Variants in PPFIA1 observed in about 807,000 individuals in gnomAD.
PPFIA1 encodes PPFI scaffold protein A1.
PPFIA1 carries 25 observed loss-of-function variants against 149.9 expected under a neutral mutation model. The observed-to-expected ratio is 0.17, with a 90% CI of 0.12 to 0.23. The LOEUF is 0.23. Among genes scored for constraint, PPFIA1 ranks in the 10% least tolerant of loss-of-function variants. The pLI is 1.00. For missense variants in PPFIA1, 1,362 were observed against 1,506.5 expected (o/e 0.90, Z 1.59); for synonymous variants, 549 against 552.8 (o/e 0.99, Z 0.10).
At chr11:70,304,522 C>A (rs886372619) in intron 2 of PPFIA1, among the ~76,000 whole-genome samples, 3 of 152,146 alleles carry the variant, frequency 2.0e-5, no homozygotes, top group Non-Finnish European at 4.4e-5. Flanking sequence ...CCTCTGAGTT[C>A]TGTGAGCTGC....
intron 2 of PPFIA1, among the ~76,000 whole-genome samples, chr11:70,276,235 T>C (rs2050374044): frequency 6.6e-6 from 1 of 151,074 alleles, no homozygotes; most frequent in Non-Finnish European, 1.5e-5. Flanking sequence ...GCCTCTCAAG[T>C]AGTTGGAATT....
intron 21 of PPFIA1, among the ~76,000 whole-genome samples, chr11:70,363,779 G>C (rs531943771): frequency 2.6e-5 from 4 of 152,302 alleles, no homozygotes; most frequent in Admixed American, 2.6e-4. Context: ...GTCCCTGAGT[G>C]CTGAAATTAC....
intron 23 of PPFIA1, chr11:70,373,963 C>G (rs2057379078): frequency 6.6e-6 from 1 of 152,132 alleles, no homozygotes; most frequent in African/African-American, 2.4e-5. Context: ...ACATCTTTTT[C>G]CAATAGACAA....
At chr11:70,282,979 A>G (rs1353090816) in intron 2 of PPFIA1, among the ~76,000 whole-genome samples, 1 of 151,732 alleles carries the variant, frequency 6.6e-6, no homozygotes, top group Admixed American at 6.6e-5. Context: ...AGCTGGGACC[A>G]TAGGCGTGCA....
chr11:70,356,786 C>T (rs570665819), intron 19 of PPFIA1, among the ~76,000 whole-genome samples: 2 of 152,318 alleles, frequency 1.3e-5, no homozygotes, highest in South Asian at 2.1e-4. Context: ...CTGGTCTGTC[C>T]GAAACAGTCG....
At chr11:70,295,997 C>T (rs1309658686) in intron 2 of PPFIA1, among the ~76,000 whole-genome samples, 1 of 151,792 alleles carries the variant, frequency 6.6e-6, no homozygotes, top group African/African-American at 2.4e-5. Context: ...TCCTCACCTC[C>T]CAGACGGGGT....
chr11:70,359,259 C>T (rs906882942), intron 19 of PPFIA1, among the ~76,000 whole-genome samples: 7 of 152,220 alleles, frequency 4.6e-5, no homozygotes, highest in African/African-American at 2.4e-5. Flanking sequence ...AGTGATCTTC[C>T]TGCCTCTGCC....
At chr11:70,335,787 A>T (rs1461802595) in intron 11 of PPFIA1, 93 bp downstream of exon 11, 15 of 1,430,866 alleles carry the variant, frequency 1.0e-5, no homozygotes, top group Non-Finnish European at 1.3e-5. Flanking sequence ...AACAGTGGTT[A>T]GCAGCTGTTA....
intron 8 of PPFIA1, 66 bp from the exon 9 acceptor site, chr11:70,331,894 C>T (rs567556678): frequency 6.6e-7 from 1 of 1,515,188 alleles, no homozygotes; most frequent in African/African-American, 1.4e-5. Flanking sequence ...CAGTTTGTTT[C>T]AATCTGTTAA....
rs763816839 is a variant in PPFIA1 at position 70,362,268 on chromosome 11, C to T, written c.2665-20C>T. ...GACTGTACCTCACTGTGCTGCCTTCCTTCCGCTTTCCGCCTCCAGCTCTGG... is the reference window on the plus strand; with the variant it reads ...GACTGTACCTCACTGTGCTGCCTTCTTTCCGCTTTCCGCCTCCAGCTCTGG... On this transcript the variant is annotated intron_variant, in intron 20 of 27. Transcript: ENST00000253925. 1.9e-6 allele frequency: 3 copies of T among 1,613,908 alleles called. No homozygotes were observed. In the Admixed American group the frequency reaches 5.0e-5, roughly 27 times the overall value.
chr11:70,280,302 C>T (rs1285927775), intron 2 of PPFIA1, among the ~76,000 whole-genome samples: 1 of 151,722 alleles, frequency 6.6e-6, no homozygotes. Flanking sequence ...GGTGCAGTGG[C>T]TCACGCCTGT....
chr11:70,352,993 GC>G (rs921952908), intron 16 of PPFIA1, among the ~76,000 whole-genome samples: 1 of 152,138 alleles, frequency 6.6e-6, no homozygotes, highest in Non-Finnish European at 1.5e-5. Context: ...TGAAACTTAA[GC>G]TTCATATTGA....
chr11:70,305,683 C>A (rs1475352413), intron 2 of PPFIA1, among the ~76,000 whole-genome samples: 3 of 152,078 alleles, frequency 2.0e-5, no homozygotes, highest in Admixed American at 6.6e-5. Flanking sequence ...TTTGTTTGTT[C>A]TAATAAAAAT....
At chr11:70,359,610 A>T (rs1270723850) in intron 19 of PPFIA1, among the ~76,000 whole-genome samples, 3 of 152,162 alleles carry the variant, frequency 2.0e-5, no homozygotes, top group Non-Finnish European at 4.4e-5. Context: ...CAATATATTT[A>T]GTTTCGATAG....
chr11:70,317,719 G>A (rs1355230624), intron 2 of PPFIA1, among the ~76,000 whole-genome samples: 1 of 152,140 alleles, frequency 6.6e-6, no homozygotes, highest in Non-Finnish European at 1.5e-5. Context: ...GAGTGAAGGT[G>A]GGGCCAGGTG....
At chr11:70,275,212 A>T (rs150472434) in intron 2 of PPFIA1, among the ~76,000 whole-genome samples, 57 of 152,294 alleles carry the variant, frequency 3.7e-4, no homozygotes, top group African/African-American at 1.3e-3. Flanking sequence ...GCAGAGGTAA[A>T]GCATCTCTAC....
At chr11:70,343,558 TC>T in intron 14 of PPFIA1, 110 bp from the exon 15 acceptor site, 1 of 947,022 alleles carries the variant, frequency 1.1e-6, no homozygotes. Flanking sequence ...GGCCCATCTT[TC>T]TAAAATCTTT....
chr11:70,346,003 A>G (rs1335459361), intron 15 of PPFIA1: 2 of 453,046 alleles, frequency 4.4e-6, no homozygotes, highest in Non-Finnish European at 8.9e-6. Context: ...GAGTGCTCAG[A>G]TTGCAGGTTT....
intron 2 of PPFIA1, among the ~76,000 whole-genome samples, chr11:70,319,579 A>G (rs1300723334): frequency 3.9e-5 from 6 of 152,120 alleles, no homozygotes; most frequent in East Asian, 3.9e-4. Flanking sequence ...CATTGCTCCA[A>G]CACACCCATT....
Sources: gnomAD v4.1 joint callset for allele counts (sites outside exome capture counted in the v4.1 genomes callset) on GRCh38, gnomAD v4.1.1 for gene constraint, MANE v1.5 for transcripts, NCBI Gene and HGNC (gene_info 2026-07-23, HGNC 2026-07-21) for gene names.